NDUFA9: variants seen among roughly 807,000 people sequenced by gnomAD.
NDUFA9 encodes the protein NADH dehydrogenase [ubiquinone] 1 alpha subcomplex subunit 9, mitochondrial.
In NDUFA9, 23 loss-of-function variants were observed where a neutral mutation model predicts 45.9. The ratio of observed to expected loss-of-function variants is 0.50; its 90% CI spans 0.36 to 0.71. NDUFA9 has a LOEUF of 0.71. Ranked by LOEUF, NDUFA9 falls within the 30% of genes least tolerant of loss-of-function variation. NDUFA9 has a pLI of 0.00. For synonymous variants in NDUFA9, 176 were observed against 170.5 expected (o/e 1.03, Z -0.25); for missense variants, 466 against 488.2 (o/e 0.95, Z 0.43).
chr12:4,654,206 G>T (rs543849651), intron 1 of NDUFA9, 86 bp from the exon 2 acceptor site: 9 of 1,329,166 alleles, frequency 6.8e-6, no homozygotes, highest in Non-Finnish European at 9.3e-6. Context: ...AATGTTACAA[G>T]TTTTTAGAGA....
In NDUFA9 at chr12:4,687,295, A is replaced by G; in HGVS notation, c.*187A>G. 1 of 531,502 alleles carries G rather than the reference A, an allele frequency of 1.9e-6. No individual in the cohort carries two copies. The highest frequency in any genetic ancestry group is 3.2e-6 in the Non-Finnish European group (1 of 312,772). 32.9% of individuals were successfully genotyped at this position (531,502 alleles called of 1,614,324 possible). On this transcript the variant is annotated 3_prime_UTR_variant, in exon 11 of 11. Coordinates refer to ENST00000266544, the MANE Select transcript of NDUFA9 (RefSeq NM_005002.5). ...AAATGTAGTCACTTAGAACTTGAGC[A>G]TGATTTTTGTTAAACATATTTAATA...
At chr12:4,661,617 T>C (rs886476594) in intron 5 of NDUFA9, among the ~76,000 whole-genome samples, 1 of 151,284 alleles carries the variant, frequency 6.6e-6, no homozygotes, top group Non-Finnish European at 1.5e-5. Flanking sequence ...AAGAGAGTGA[T>C]GAGAAGATGG....
At chr12:4,683,889 A>C (rs1469703422) in intron 9 of NDUFA9, among the ~76,000 whole-genome samples, 2 of 152,222 alleles carry the variant, frequency 1.3e-5, no homozygotes, top group Non-Finnish European at 2.9e-5. Flanking sequence ...ATATTGGTAG[A>C]ATGAAGTCTT....
intron 1 of NDUFA9, among the ~76,000 whole-genome samples, chr12:4,649,718 A>G (rs1945744607): frequency 6.6e-6 from 1 of 152,210 alleles, no homozygotes; most frequent in South Asian, 2.1e-4. Flanking sequence ...CTACGGATGT[A>G]GAATGTGTTC....
chr12:4,667,343 A>G (rs1181803820), intron 6 of NDUFA9, among the ~76,000 whole-genome samples: 1 of 152,076 alleles, frequency 6.6e-6, no homozygotes, highest in Non-Finnish European at 1.5e-5. Flanking sequence ...CATCCTAACA[A>G]TATTAAGTCT....
intron 8 of NDUFA9, among the ~76,000 whole-genome samples, chr12:4,681,204 G>A (rs781641888): frequency 5.9e-5 from 9 of 152,006 alleles, no homozygotes; most frequent in Non-Finnish European, 1.2e-4. Context: ...CACTGCAGAG[G>A]AATTTTCTAA....
At chr12:4,657,895 ACC>A in intron 4 of NDUFA9, 56 bp downstream of exon 4, 1 of 1,350,842 alleles carries the variant, frequency 7.4e-7, no homozygotes, top group South Asian at 1.2e-5. Context: ...GGTTTAATGG[ACC>A]TTCGCTGGGC....
At position 4,692,719 on chromosome 12, in the gene NDUFA9, C is replaced by A. The variant is rs1205920453; in HGVS notation, c.*5611C>A. On this transcript the variant is annotated 3_prime_UTR_variant, in exon 11 of 11. Coordinates refer to ENST00000266544, the MANE Select transcript of NDUFA9 (RefSeq NM_005002.5). ...CCTAGCCCTAGAGGGAATGGAAGGG[C>A]CAGAATCCAGAGCATAGGTGGGATT... 6.6e-6 allele frequency: 1 copy of A among 152,058 alleles called. No homozygotes were observed. Among genetic ancestry groups the A allele is most frequent in the African/African-American group, 2.4e-5 (1 of 41,328 alleles). The allele number at this position is 152,058 out of a possible 1,614,324, so 9.4% of individuals were successfully genotyped here. A position where few individuals can be genotyped will look rare whatever the true frequency, so the allele number is the denominator to read the frequency against.
At chr12:4,682,156 C>T (rs373813312) in intron 8 of NDUFA9, 49 bp from the exon 9 acceptor site, 56 of 1,372,244 alleles carry the variant, frequency 4.1e-5, no homozygotes, top group Middle Eastern at 3.7e-4. Flanking sequence ...ATAAAGGAAA[C>T]TTTGTGAGAA....
chr12:4,672,195 C>T (rs1435704648), intron 8 of NDUFA9, among the ~76,000 whole-genome samples: 1 of 152,216 alleles, frequency 6.6e-6, no homozygotes, highest in Non-Finnish European at 1.5e-5. Context: ...ACCATGCACT[C>T]TGGCCCAGAT....
rs75337660 is a variant in NDUFA9 at position 4,682,473 on chromosome 12, A to T, written c.896+173A>T. ...AATAGATTAGTGTTGGTTAAAAAAA[A>T]ATATATTGGAACATTAAATCTTCCC... On this transcript the variant is annotated intron_variant, in intron 9 of 10. Coordinates refer to ENST00000266544, the MANE Select transcript of NDUFA9 (RefSeq NM_005002.5). 5.3e-3 allele frequency among the ~76,000 whole-genome samples: 808 copies of T among 152,324 alleles called. 4 individuals are homozygous for T. Among genetic ancestry groups the T allele is most frequent in the South Asian group, 8.5e-3 (41 of 4,830 alleles).
At position 4,667,936 on chromosome 12, in the gene NDUFA9, A is replaced by T. The variant is rs546513804; in HGVS notation, c.656-521A>T. On this transcript the variant is annotated intron_variant, in intron 6 of 10. Coordinates refer to ENST00000266544, the MANE Select transcript of NDUFA9 (RefSeq NM_005002.5). ...AGTTTATGGTGAGAACTAAGACATTATCTCACCTTTTTTTCAAATAGCAGA... is the reference window on the plus strand; with the variant it reads ...AGTTTATGGTGAGAACTAAGACATTTTCTCACCTTTTTTTCAAATAGCAGA... Among the ~76,000 whole-genome samples, 15 of 152,340 alleles carry T rather than the reference A, an allele frequency of 9.8e-5. No homozygotes were observed. The East Asian group carries it at 2.9e-3, about 29-fold the overall frequency.
chr12:4,654,794 T>C lies in NDUFA9; in HGVS notation c.221-31T>C, dbSNP rs189902579. 23 of 1,505,568 alleles carry C rather than the reference T, an allele frequency of 1.5e-5. No individual in the cohort carries two copies. The African/African-American group carries it at 3.1e-4, about 20-fold the overall frequency. 93.3% of individuals were successfully genotyped at this position (1,505,568 alleles called of 1,614,324 possible). A position where few individuals can be genotyped will look rare whatever the true frequency, so the allele number is the denominator to read the frequency against. ...ATAATATATCCACATTATGTTAATG[T>C]TGATCCTTTTTTCAATCCATTCTCT... On this transcript the variant is annotated intron_variant, in intron 2 of 10. Transcript: ENST00000266544.
chr12:4,654,460 T>C lies in NDUFA9; in HGVS notation c.218T>C (p.Leu73Pro). The change falls in exon 2 of 11, where the codon CTT becomes CCT. Residue 73 changes from leucine to proline, a missense_variant and splice_region_variant. Leu to Pro is a moderately conservative substitution (Grantham distance 98). Coordinates refer to ENST00000266544, the MANE Select transcript of NDUFA9 (RefSeq NM_005002.5). ...GFLGRYVVNH[L>P]GRMGSQVIIP... ...CTGGGGCGATATGTTGTCAACCACC[T>C]TGGTAAGTAAAGTTCCTTAAGTTCA... is the stretch of plus-strand genomic sequence containing the variant. 2 of 1,614,008 alleles carry C rather than the reference T, an allele frequency of 1.2e-6. No homozygotes were observed. Among genetic ancestry groups the C allele is most frequent in the Non-Finnish European group, 1.7e-6 (2 of 1,179,902 alleles).
chr12:4,671,715 C>T (rs372065964), intron 8 of NDUFA9, among the ~76,000 whole-genome samples: 13 of 151,930 alleles, frequency 8.6e-5, no homozygotes, highest in Admixed American at 1.3e-4. Flanking sequence ...TAAGAATTGA[C>T]GTATAGATGA....
At chr12:4,679,511 G>A (rs1181499027) in intron 8 of NDUFA9, among the ~76,000 whole-genome samples, 2 of 152,136 alleles carry the variant, frequency 1.3e-5, no homozygotes, top group Admixed American at 6.6e-5. Context: ...ATAAATGACC[G>A]AAAAGGAAAG....
At chr12:4,682,765 G>A (rs890754268) in intron 9 of NDUFA9, among the ~76,000 whole-genome samples, 1 of 152,114 alleles carries the variant, frequency 6.6e-6, no homozygotes, top group African/African-American at 2.4e-5. Context: ...TTCTCTTTGT[G>A]GGTTAAATAT....
chr12:4,688,462 A>T lies in NDUFA9; in HGVS notation c.*1354A>T, dbSNP rs1332500156. ...ATAGTGCCACTGCACTTCAGCTTGG[A>T]CTGAAGATCCTGTCTCAGAAAAAAA... On this transcript the variant is annotated 3_prime_UTR_variant, in exon 11 of 11. Coordinates refer to ENST00000266544, the MANE Select transcript of NDUFA9 (RefSeq NM_005002.5). The T allele has an allele frequency of 7.1e-6, 1 of 140,642 alleles. No individual in the cohort carries two copies. The highest frequency in any genetic ancestry group is 2.1e-4 in the East Asian group (1 of 4,764). 8.7% of individuals were successfully genotyped at this position (140,642 alleles called of 1,614,324 possible).
At chr12:4,667,953 A>G (rs1945863307) in intron 6 of NDUFA9, among the ~76,000 whole-genome samples, 1 of 151,974 alleles carries the variant, frequency 6.6e-6, no homozygotes, top group African/African-American at 2.4e-5. Context: ...CTTTTTTTCA[A>G]ATAGCAGAAT....
Sources: allele counts gnomAD v4.1 joint callset (sites outside exome capture counted in the v4.1 genomes callset), GRCh38; gene constraint gnomAD v4.1.1; transcripts MANE v1.5; gene names NCBI Gene and HGNC (gene_info 2026-07-23, HGNC 2026-07-21).